Variants in DSC1 observed in about 807,000 individuals in gnomAD.
DSC1 encodes the protein desmocollin 1.
Under a neutral mutation model 98.8 loss-of-function variants are expected in DSC1, and 79 were observed. The ratio of observed to expected loss-of-function variants is 0.80; its 90% CI spans 0.67 to 0.96. DSC1 has a LOEUF of 0.96. Among genes scored for constraint, DSC1 ranks in the 50% least tolerant of loss-of-function variants. The pLI, the probability that DSC1 is intolerant of heterozygous loss-of-function variation, is 0.00. For synonymous variants in DSC1, 405 were observed against 372.1 expected (o/e 1.09, Z -1.02); for missense variants, 1,115 against 1,075.9 (o/e 1.04, Z -0.51).
At chr18:31,159,654 C>T in intron 1 of DSC1, 125 bp from the exon 2 acceptor site, 1 of 897,742 alleles carries the variant, frequency 1.1e-6, no homozygotes. Context: ...TAATTCTTTA[C>T]ATTTTTAATA....
At chr18:31,155,940 C>T in intron 4 of DSC1, 103 bp downstream of exon 4, 1 of 1,224,880 alleles carries the variant, frequency 8.2e-7, no homozygotes, top group Non-Finnish European at 1.1e-6. Flanking sequence ...TTATTTGTAC[C>T]ATTAGTTTAA....
rs192989176 is a variant in DSC1, at chr18:31,141,385, A to G, written c.1260+614T>C. ...TAAACTGTCTCTAAGAAATTAATGAATGAAGCTATGCAAGAAGTCAATGAG... is the reference window on the plus strand; with the variant it reads ...TAAACTGTCTCTAAGAAATTAATGAGTGAAGCTATGCAAGAAGTCAATGAG... On this transcript the variant is annotated intron_variant, in intron 9 of 15. Transcript: ENST00000257198. Among the ~76,000 whole-genome samples, 278 of 152,306 alleles carry G rather than the reference A, an allele frequency of 1.8e-3. 1 individual carries two copies. Among genetic ancestry groups the G allele is most frequent in the African/African-American group, 5.3e-3 (222 of 41,572 alleles).
chr18:31,144,699 T>C (rs1364969012), intron 7 of DSC1, among the ~76,000 whole-genome samples: 3 of 152,180 alleles, frequency 2.0e-5, no homozygotes, highest in Admixed American at 1.3e-4. Flanking sequence ...GATACTATAA[T>C]GATGAATGTG....
At chr18:31,135,070 T>C (rs969334746) in intron 11 of DSC1, among the ~76,000 whole-genome samples, 6 of 152,192 alleles carry the variant, frequency 3.9e-5, no homozygotes, top group African/African-American at 1.2e-4. Context: ...AAAACAGATG[T>C]CTTACATCCT....
At chr18:31,131,458 A>T in intron 15 of DSC1, 136 bp downstream of exon 15, 1 of 1,156,022 alleles carries the variant, frequency 8.7e-7, no homozygotes, top group East Asian at 2.5e-5. Context: ...TAAACCAGAC[A>T]TCCACATCTA....
intron 14 of DSC1, 34 bp downstream of exon 14, chr18:31,132,534 C>T (rs770663239): frequency 9.9e-6 from 16 of 1,608,100 alleles, no homozygotes; most frequent in Non-Finnish European, 1.3e-5. Context: ...ATTTGTTCAC[C>T]GTACAATTCA....
chr18:31,161,040 C>A (rs927586437), intron 1 of DSC1, among the ~76,000 whole-genome samples: 1 of 151,930 alleles, frequency 6.6e-6, no homozygotes, highest in Non-Finnish European at 1.5e-5. Context: ...TGGTATACAC[C>A]ATGATTTATA....
At chr18:31,145,534 T>C (rs1275333689) in intron 7 of DSC1, 77 bp downstream of exon 7, 25 of 1,525,152 alleles carry the variant, frequency 1.6e-5, no homozygotes, top group Non-Finnish European at 2.2e-5. Flanking sequence ...AGACTGGCCA[T>C]ATTGCAACTT....
intron 5 of DSC1, among the ~76,000 whole-genome samples, chr18:31,153,852 C>T (rs1185750277): frequency 6.6e-6 from 1 of 152,132 alleles, no homozygotes; most frequent in African/African-American, 2.4e-5. Flanking sequence ...CAATTGTTAA[C>T]TTCTTTCATA....
At chr18:31,146,527 T>C (rs1988849869) in intron 6 of DSC1, among the ~76,000 whole-genome samples, 1 of 152,232 alleles carries the variant, frequency 6.6e-6, no homozygotes, top group Non-Finnish European at 1.5e-5. Flanking sequence ...TTTGCTATTG[T>C]GAATGGTGTG....
At chr18:31,143,599 G>T in intron 8 of DSC1, 58 bp downstream of exon 8, 1 of 1,363,282 alleles carries the variant, frequency 7.3e-7, no homozygotes. Context: ...CCAAATTCTA[G>T]ACATGTTTTT....
At chr18:31,150,168 T>C (rs1372325083) in intron 5 of DSC1, among the ~76,000 whole-genome samples, 1 of 60,004 alleles carries the variant, frequency 1.7e-5, no homozygotes, top group Admixed American at 1.5e-4. Flanking sequence ...ACCACCACCA[T>C]CACCACCACT....
chr18:31,156,073 C>A lies in DSC1; in HGVS notation c.441G>T (p.Ser147=). The A allele has an allele frequency of 1.2e-6, 2 of 1,614,084 alleles. No individual in the cohort carries two copies. The highest frequency in any genetic ancestry group is 1.1e-5 in the South Asian group (1 of 91,076). ...GAACGTGTTGTGGAAATGGACCCAA[C>A]GAGTTCTCCATCAATGAAGCTGGAA... ...APIPASLMEN[S]LGPFPQHVQQ... Residue 147 remains serine (S), a synonymous_variant, in exon 4 of 16, where the codon TCG becomes TCT. Coordinates refer to ENST00000257198, the MANE Select transcript of DSC1 (RefSeq NM_024421.2).
At chr18:31,130,885 TA>T in intron 15 of DSC1, 174 bp from the exon 16 acceptor site, 1 of 1,524,060 alleles carries the variant, frequency 6.6e-7, no homozygotes, top group South Asian at 1.2e-5. Flanking sequence ...TAGTCACTCT[TA>T]AAATATAGCA....
chr18:31,148,518 A>G lies in DSC1; in HGVS notation c.752T>C (p.Val251Ala). 6 of 1,601,796 alleles carry G rather than the reference A, an allele frequency of 3.7e-6. No homozygotes were observed. The highest frequency in any genetic ancestry group is 5.1e-6 in the Non-Finnish European group (6 of 1,171,498). The stretch of plus-strand genomic sequence containing the variant: ...CTTACCGGATCGGCAATTTTCAGGC[A>G]CAGTAAAGATAGTCACTCTGTGTTC... ...YFEHRVTIFT[V>A]PENCRSGTSV... The change falls in exon 6 of 16, where the codon GTG becomes GCG. Residue 251 changes from valine to alanine, a missense_variant. Coordinates refer to ENST00000257198, the MANE Select transcript of DSC1 (RefSeq NM_024421.2).
At chr18:31,134,162 T>C (rs1276762635) in intron 12 of DSC1, 32 bp from the exon 13 acceptor site, 2 of 1,592,540 alleles carry the variant, frequency 1.3e-6, no homozygotes, top group South Asian at 2.2e-5. Context: ...TATATATGGA[T>C]TGGCTGTTTA....
chr18:31,161,930 C>A (rs1217403094), intron 1 of DSC1, among the ~76,000 whole-genome samples: 4 of 152,108 alleles, frequency 2.6e-5, no homozygotes, highest in African/African-American at 9.7e-5. Flanking sequence ...AATAACCCCC[C>A]TCTCTTCCCT....
At chr18:31,136,441 A>G (rs761726489) in intron 11 of DSC1, among the ~76,000 whole-genome samples, 2 of 152,244 alleles carry the variant, frequency 1.3e-5, no homozygotes, top group Non-Finnish European at 2.9e-5. Context: ...ATTTAATCAC[A>G]TATTCAACCA....
chr18:31,132,381 T>C, intron 14 of DSC1, 187 bp downstream of exon 14: 3 of 652,386 alleles, frequency 4.6e-6, no homozygotes, highest in Non-Finnish European at 7.4e-6. Flanking sequence ...ACTCAGTTTG[T>C]TGTGACAGCC....
Sources: gnomAD v4.1 joint callset for allele counts (sites outside exome capture counted in the v4.1 genomes callset) on GRCh38, gnomAD v4.1.1 for gene constraint, MANE v1.5 for transcripts, NCBI Gene and HGNC (gene_info 2026-07-23, HGNC 2026-07-21) for gene names.